Variants in DRP2 observed in about 807,000 individuals in gnomAD.
DRP2 encodes dystrophin-related protein 2.
DRP2 carries 29 observed loss-of-function variants against 78.2 expected under a neutral mutation model. The observed-to-expected ratio is 0.37, with a 90% CI of 0.28 to 0.51. The LOEUF is 0.51. DRP2 is among the 20% of genes least tolerant of loss of function. The pLI is 0.94. For missense variants in DRP2, 686 were observed against 770.6 expected (o/e 0.89, Z 1.30); for synonymous variants, 290 against 281.9 (o/e 1.03, Z -0.29).
At chrX:101,253,351 C>T (rs5967280) in intron 17 of DRP2, among the ~76,000 whole-genome samples, 42,265 of 108,466 alleles carry the variant, frequency 0.39, 6,265 homozygotes, top group African/African-American at 0.48. Flanking sequence ...TGTGCTGTGT[C>T]TAAAACCCAC....
At chrX:101,250,601 TG>T (rs1361899497) in intron 15 of DRP2, 21 bp downstream of exon 15, 1 of 1,154,374 alleles carries the variant, frequency 8.7e-7, no homozygotes, top group South Asian at 2.1e-5. Context: ...AACTGGGGAG[TG>T]GGGGAGGGAA....
At chrX:101,224,132 C>G (rs1342555313) in intron 1 of DRP2, among the ~76,000 whole-genome samples, 2 of 96,241 alleles carry the variant, frequency 2.1e-5, no homozygotes, top group Non-Finnish European at 4.1e-5. Context: ...TCTTAGAAGT[C>G]TTCCCTATCT....
rs180918321 is a variant in DRP2 at position 101,258,437 on chromosome X, G to A, written c.2519G>A (p.Arg840His). ...AATGAGGAGCTTCTGGCCGAGGCCC[G>A]TATCCTTCGGCAACATAAGAGCCGC... is the stretch of plus-strand genomic sequence containing the variant. ...HRNEELLAEA[R>H]ILRQHKSRLE... The change falls in exon 22 of 24, where the codon CGT (arginine) becomes CAT (histidine). Residue 840 changes from arginine (R) to histidine (H), a missense_variant. Physicochemically the swap from Arg to His is conservative, Grantham distance 29. Coordinates refer to ENST00000395209, the MANE Select transcript of DRP2 (RefSeq NM_001939.3). 1.2e-5 allele frequency: 14 copies of A among 1,203,315 alleles called. No individual in the cohort carries two copies. The highest frequency in any genetic ancestry group is 3.0e-5 in the East Asian group (1 of 33,533).
In DRP2 at chrX:101,224,197, T is replaced by TTTG. The variant is rs1569507499; in HGVS notation, c.-166-405_-166-404insGTT. On this transcript the variant is annotated intron_variant, in intron 1 of 23. Coordinates refer to ENST00000395209, the MANE Select transcript of DRP2 (RefSeq NM_001939.3). ...TGTTTGCTGGGTTTTTTTTGTTTTT[T>TTTG]TTTTTTTTTTTTTTTTTTTTTTTTG... 6.7e-3 allele frequency among the ~76,000 whole-genome samples: 419 copies of TTTG among 62,610 alleles called. 20 individuals are homozygous for TTTG. Among genetic ancestry groups the TTTG allele is most frequent in the Middle Eastern group, 0.024 (3 of 123 alleles). The allele number at this position is 62,610 out of a possible 115,157, so 54.4% of individuals were successfully genotyped here.
intron 9 of DRP2, 71 bp from the exon 10 acceptor site, chrX:101,244,946 C>A: frequency 9.9e-7 from 1 of 1,014,206 alleles, no homozygotes; most frequent in Non-Finnish European, 1.4e-6. Context: ...GAGAATAGAG[C>A]AAGGGAGTAG....
At chrX:101,243,505 T>C (rs899627500) in intron 9 of DRP2, among the ~76,000 whole-genome samples, 1 of 109,891 alleles carries the variant, frequency 9.1e-6, no homozygotes, top group Non-Finnish European at 1.9e-5. Flanking sequence ...AATAGCTTAC[T>C]CTTTCTGAAC....
intron 2 of DRP2, among the ~76,000 whole-genome samples, chrX:101,230,257 G>A (rs186078766): frequency 1.8e-3 from 200 of 112,218 alleles, no homozygotes; most frequent in African/African-American, 6.2e-3. Flanking sequence ...AGGCACAGTG[G>A]CTCATGCCTG....
At chrX:101,254,130 A>C (rs1349018744) in intron 17 of DRP2, among the ~76,000 whole-genome samples, 1 of 109,559 alleles carries the variant, frequency 9.1e-6, no homozygotes, top group Non-Finnish European at 1.9e-5. Flanking sequence ...AAAATTAATT[A>C]TTATTATTAT....
intron 21 of DRP2, among the ~76,000 whole-genome samples, chrX:101,257,928 G>T (rs892288393): frequency 1.8e-5 from 2 of 110,883 alleles, no homozygotes; most frequent in Non-Finnish European, 3.8e-5. Context: ...TTTTCCCTTG[G>T]AATCTAAACA....
rs1246868391 is a variant in DRP2, at chrX:101,224,188, TTTG to T, written c.-166-413_-166-411del. 8.7e-4 allele frequency among the ~76,000 whole-genome samples: 60 copies of T among 68,816 alleles called. 2 individuals are homozygous for T. Among genetic ancestry groups the T allele is most frequent in the East Asian group, 3.6e-3 (10 of 2,742 alleles). 59.8% of individuals were successfully genotyped at this position (68,816 alleles called of 115,157 possible). ...AATAATAAATGTTTGCTGGGTTTTT[TTTG>T]TTTTTTTTTTTTTTTTTTTTTTTTT... On this transcript the variant is annotated intron_variant, in intron 1 of 23. Transcript: ENST00000395209.
At chrX:101,255,997 C>T in intron 20 of DRP2, 121 bp from the exon 21 acceptor site, 1 of 926,014 alleles carries the variant, frequency 1.1e-6, no homozygotes, top group African/African-American at 2.0e-5. Flanking sequence ...TGTCCTTTCC[C>T]TCTCGATGTG....
chrX:101,242,804 C>G (rs750150243), intron 8 of DRP2, 100 bp from the exon 9 acceptor site: 2 of 819,706 alleles, frequency 2.4e-6, no homozygotes, highest in African/African-American at 4.1e-5. Context: ...AGAGAAAAGC[C>G]AGTCCCTGAG....
intron 4 of DRP2, among the ~76,000 whole-genome samples, chrX:101,237,361 A>G (rs772847489): frequency 4.3e-4 from 48 of 111,450 alleles, no homozygotes; most frequent in African/African-American, 1.4e-3. Context: ...TGACATTTTA[A>G]GCCATTGAAG....
In DRP2 at chrX:101,258,490, G is replaced by A; in HGVS notation, c.2572G>A (p.Asp858Asn). ...GGAGACGCGCATGCAGATCCTCGAA[G>A]ATCACAACAAGCAGCTAGAGTCCCA... is the stretch of plus-strand genomic sequence containing the variant. ...RLETRMQILEDHNKQLESQLQ... is the reference protein window; with the variant it reads ...RLETRMQILENHNKQLESQLQ... Residue 858 changes from aspartate (D) to asparagine (N), a missense_variant, in exon 22 of 24, where the codon GAT becomes AAT. Around this residue, in one of 2 missense-constraint regions of DRP2, gnomAD observed 423 missense variants for 531.5 expected, o/e 0.80. Coordinates refer to ENST00000395209, the MANE Select transcript of DRP2 (RefSeq NM_001939.3). The A allele has an allele frequency of 1.7e-6, 2 of 1,193,916 alleles. No individual in the cohort carries two copies. The highest frequency in any genetic ancestry group is 1.1e-6 in the Non-Finnish European group (1 of 886,166).
At chrX:101,245,205 C>T (rs1683267884) in intron 10 of DRP2, 128 bp downstream of exon 10, 3 of 837,072 alleles carry the variant, frequency 3.6e-6, no homozygotes, top group Non-Finnish European at 5.2e-6. Context: ...TTTTCTCCTA[C>T]TCATCTCAAG....
Position 101,250,425 on chromosome X carries a change from C to T in DRP2, c.1543C>T (p.Leu515Phe). The change falls in exon 15 of 24, where the codon CTC (leucine) becomes TTC (phenylalanine). Residue 515 changes from leucine (L) to phenylalanine (F), a missense_variant and splice_region_variant. Physicochemically the swap from Leu to Phe is conservative, Grantham distance 22. This residue lies in a region of DRP2 where 423 missense variants were observed against 531.5 expected (regional missense o/e 0.80). Coordinates refer to ENST00000395209, the MANE Select transcript of DRP2 (RefSeq NM_001939.3). ...ATTCTTGACGGTGGGGCCAGCAGAC[C>T]TCTTCAGCCAAGTGGCCAACTCAGG... is the stretch of plus-strand genomic sequence containing the variant. Reference protein sequence around the residue: ...GTEVKEKLQYLFSQVANSGSQ... With the variant: ...GTEVKEKLQYFFSQVANSGSQ... 1 of 1,211,818 alleles carries T rather than the reference C, an allele frequency of 8.3e-7. No homozygotes were observed. Among genetic ancestry groups the T allele is most frequent in the Non-Finnish European group, 1.1e-6 (1 of 895,523 alleles).
At chrX:101,224,191 G>GTTTTTTTTTTTTTTTTTTTTT (rs1167730116) in intron 1 of DRP2, among the ~76,000 whole-genome samples, 4 of 38,880 alleles carry the variant, frequency 1.0e-4, no homozygotes, top group East Asian at 1.0e-3. Flanking sequence ...GGTTTTTTTT[G>GTTTTTTTTTTTTTTTTTTTTT]TTTTTTTTTT....
At chrX:101,241,148 C>T (rs1922705971) in intron 6 of DRP2, among the ~76,000 whole-genome samples, 1 of 112,150 alleles carries the variant, frequency 8.9e-6, no homozygotes, top group Non-Finnish European at 1.9e-5. Context: ...ATGAGGAAAT[C>T]CTCATGATAT....
chrX:101,237,887 G>C (rs1922570098), intron 5 of DRP2, 112 bp downstream of exon 5: 2 of 779,565 alleles, frequency 2.6e-6, no homozygotes, highest in Non-Finnish European at 3.4e-6. Flanking sequence ...ATGAATAGGA[G>C]GCTGTATGCA....
Sources: gnomAD v4.1 joint callset for allele counts (sites outside exome capture counted in the v4.1 genomes callset) on GRCh38, gnomAD v4.1.1 for gene constraint, gnomAD v4.1.1 regional missense constraint, MANE v1.5 for transcripts, NCBI Gene and HGNC (gene_info 2026-07-23, HGNC 2026-07-21) for gene names.